The following ITFG1 variants were observed in gnomAD, a reference collection of about 807,000 sequenced individuals.
The protein encoded by ITFG1 is T-cell immunomodulatory protein.
Under a neutral mutation model 81.8 loss-of-function variants are expected in ITFG1, and 34 were observed. That is an observed-to-expected ratio of 0.42 (90% CI 0.32 to 0.55). The LOEUF is 0.55. Ranked by LOEUF, ITFG1 falls within the 20% of genes least tolerant of loss-of-function variation. ITFG1 has a pLI of 0.17. For missense variants in ITFG1, 672 were observed against 755.4 expected (o/e 0.89, Z 1.29); for synonymous variants, 285 against 270.6 (o/e 1.05, Z -0.52).
At chr16:47,272,407 T>A (rs1966352375) in intron 10 of ITFG1, among the ~76,000 whole-genome samples, 2 of 151,674 alleles carry the variant, frequency 1.3e-5, no homozygotes, top group African/African-American at 4.8e-5. Context: ...ATGAATACAT[T>A]TTTTTTTAAT....
chr16:47,203,688 G>C (rs2151521565), intron 14 of ITFG1, among the ~76,000 whole-genome samples: 2 of 152,306 alleles, frequency 1.3e-5, no homozygotes, highest in Admixed American at 1.3e-4. Flanking sequence ...GTGATTGATG[G>C]GGAGCAGCTG....
At chr16:47,365,728 G>C in intron 8 of ITFG1, 60 bp downstream of exon 8, 1 of 988,426 alleles carries the variant, frequency 1.0e-6, no homozygotes, top group South Asian at 1.4e-5. Flanking sequence ...AAATAGAACA[G>C]AAAGAAGGAG....
intron 6 of ITFG1, among the ~76,000 whole-genome samples, chr16:47,427,656 A>AGTAACAC (rs1555516404): frequency 3.3e-5 from 5 of 152,008 alleles, no homozygotes; most frequent in Non-Finnish European, 7.4e-5. Flanking sequence ...CTAGGAACAT[A>AGTAACAC]GTAACATGTT....
intron 10 of ITFG1, among the ~76,000 whole-genome samples, chr16:47,283,661 A>G (rs1195242743): frequency 6.6e-6 from 1 of 152,212 alleles, no homozygotes; most frequent in Admixed American, 6.5e-5. Context: ...CCAGAAGAAC[A>G]AGTGGTGCTA....
chr16:47,208,961 T>C (rs188348872), intron 14 of ITFG1, among the ~76,000 whole-genome samples: 403 of 152,242 alleles, frequency 2.6e-3, no homozygotes, highest in Non-Finnish European at 3.6e-3. Flanking sequence ...ATATCCTTCC[T>C]CACAATTATT....
intron 12 of ITFG1, among the ~76,000 whole-genome samples, chr16:47,255,234 T>C (rs1198009920): frequency 6.6e-6 from 1 of 152,234 alleles, no homozygotes; most frequent in Middle Eastern, 3.2e-3. Context: ...ATCACACTTA[T>C]GCTAGGTTGG....
chr16:47,172,304 G>A lies in ITFG1; in HGVS notation c.1454-9640C>T, dbSNP rs796657488. On this transcript the variant is annotated intron_variant, in intron 14 of 17. Transcript: ENST00000320640. ...GTTTGAGACCAGCCAGGCCAACACG[G>A]CAAAACCCTGTCTCTACTAAAAGGT... Among the ~76,000 whole-genome samples, 102 of 152,244 alleles carry A rather than the reference G, an allele frequency of 6.7e-4. 1 individual carries two copies. Among genetic ancestry groups the A allele is most frequent in the African/African-American group, 2.3e-3 (97 of 41,546 alleles).
chr16:47,374,323 A>G (rs996173731), intron 7 of ITFG1, among the ~76,000 whole-genome samples: 2 of 152,232 alleles, frequency 1.3e-5, no homozygotes, highest in Non-Finnish European at 2.9e-5. Flanking sequence ...CAGTGAATTT[A>G]TTAGTTTTCT....
At chr16:47,443,717 G>T (rs1023771360) in intron 5 of ITFG1, among the ~76,000 whole-genome samples, 1 of 152,040 alleles carries the variant, frequency 6.6e-6, no homozygotes, top group South Asian at 2.1e-4. Flanking sequence ...ATGGACAGAG[G>T]AAGGGGAACA....
At chr16:47,452,819 T>C (rs1023565297) in intron 3 of ITFG1, 29 bp from the exon 4 acceptor site, 2 of 1,175,898 alleles carry the variant, frequency 1.7e-6, no homozygotes, top group African/African-American at 3.2e-5. Context: ...TATATATGAA[T>C]TAGCAGGCAT....
chr16:47,253,418 C>T (rs1262215842), intron 12 of ITFG1, among the ~76,000 whole-genome samples: 1 of 152,204 alleles, frequency 6.6e-6, no homozygotes, highest in Admixed American at 6.5e-5. Flanking sequence ...TGTCATTTCA[C>T]TGTCAGGTAG....
chr16:47,235,586 A>C (rs146258862), intron 13 of ITFG1, among the ~76,000 whole-genome samples: 112 of 152,322 alleles, frequency 7.4e-4, no homozygotes, highest in African/African-American at 2.5e-3. Context: ...TCATGAGCTC[A>C]GTAATTTTTT....
chr16:47,187,912 A>G (rs1965242396), intron 14 of ITFG1, among the ~76,000 whole-genome samples: 1 of 151,976 alleles, frequency 6.6e-6, no homozygotes, highest in East Asian at 1.9e-4. Context: ...AAACAAATTT[A>G]CAAGAAAAAA....
chr16:47,179,979 T>G (rs1379502627), intron 14 of ITFG1, among the ~76,000 whole-genome samples: 1 of 152,214 alleles, frequency 6.6e-6, no homozygotes, highest in Non-Finnish European at 1.5e-5. Context: ...ATATCTGAAC[T>G]CAGTTTATAG....
chr16:47,180,298 T>TG (rs34468221), intron 14 of ITFG1, among the ~76,000 whole-genome samples: 18,057 of 152,122 alleles, frequency 0.12, 2,325 homozygotes, highest in African/African-American at 0.32. Context: ...GCTTACCTAA[T>TG]GGGCTTGAAC....
At chr16:47,364,981 A>C (rs1194887156) in intron 8 of ITFG1, among the ~76,000 whole-genome samples, 9 of 152,234 alleles carry the variant, frequency 5.9e-5, no homozygotes, top group Admixed American at 5.9e-4. Context: ...ACCCAGCTCA[A>C]ACTCTAACTT....
intron 9 of ITFG1, among the ~76,000 whole-genome samples, 176 bp from the exon 10 acceptor site, chr16:47,311,588 A>G (rs1046818980): frequency 3.4e-5 from 4 of 118,584 alleles, no homozygotes; most frequent in African/African-American, 2.2e-4. Flanking sequence ...ACACTCTGGG[A>G]AAAAAAAAAG....
chr16:47,381,014 C>T (rs1438700095), intron 6 of ITFG1, among the ~76,000 whole-genome samples: 1 of 152,118 alleles, frequency 6.6e-6, no homozygotes, highest in Non-Finnish European at 1.5e-5. Flanking sequence ...CAAGTGTGTA[C>T]AAAAACATTA....
intron 12 of ITFG1, among the ~76,000 whole-genome samples, chr16:47,241,413 T>G (rs574517417): frequency 6.6e-6 from 1 of 152,306 alleles, no homozygotes; most frequent in East Asian, 1.9e-4. Flanking sequence ...CATCAAATGA[T>G]GACTGGATAA....
Sources: allele counts gnomAD v4.1 joint callset (sites outside exome capture counted in the v4.1 genomes callset), GRCh38; gene constraint gnomAD v4.1.1; transcripts MANE v1.5; gene names NCBI Gene and HGNC (gene_info 2026-07-23, HGNC 2026-07-21).